EPHA6: variants seen among roughly 807,000 people sequenced by gnomAD.
The protein encoded by EPHA6 is EPH receptor A6, also known as ephrin type-A receptor 6.
EPHA6 carries 50 observed loss-of-function variants against 112.0 expected under a neutral mutation model. The observed-to-expected ratio is 0.45, with a 90% CI of 0.36 to 0.56. EPHA6 has a LOEUF of 0.56. Among genes scored for constraint, EPHA6 ranks in the 20% least tolerant of loss-of-function variants. The pLI, the probability that EPHA6 is intolerant of heterozygous loss-of-function variation, is 0.00. For missense variants in EPHA6, 1,280 were observed against 1,417.4 expected, an observed-to-expected ratio of 0.90 and a Z score of 1.56; for synonymous variants, 529 against 490.7, an observed-to-expected ratio of 1.08 and a Z score of -1.03.
At chr3:97,565,490 T>C (rs2093251784) in intron 11 of EPHA6, among the ~76,000 whole-genome samples, 1 of 152,166 alleles carries the variant, frequency 6.6e-6, no homozygotes. Context: ...CTTGAGTGGA[T>C]TAAATATTAG....
intron 1 of EPHA6, among the ~76,000 whole-genome samples, chr3:96,852,512 T>A (rs976925280): frequency 6.6e-6 from 1 of 152,080 alleles, no homozygotes; most frequent in South Asian, 2.1e-4. Flanking sequence ...CTTTATAAGT[T>A]TAGATCCGTT....
chr3:96,979,999 G>C (rs1003798029), intron 2 of EPHA6, among the ~76,000 whole-genome samples: 3 of 152,110 alleles, frequency 2.0e-5, no homozygotes, highest in Non-Finnish European at 4.4e-5. Flanking sequence ...CATTCTGTAG[G>C]TTGCCTGTTC....
chr3:97,706,090 T>C (rs1559616280), intron 14 of EPHA6, among the ~76,000 whole-genome samples: 1 of 152,194 alleles, frequency 6.6e-6, no homozygotes, highest in Non-Finnish European at 1.5e-5. Flanking sequence ...GTGAATATAT[T>C]ATGCAAGTAA....
At chr3:97,063,091 C>T (rs1559703102) in intron 3 of EPHA6, among the ~76,000 whole-genome samples, 1 of 152,160 alleles carries the variant, frequency 6.6e-6, no homozygotes, top group Non-Finnish European at 1.5e-5. Flanking sequence ...AATGCTTATA[C>T]ACTGTCGGTG....
chr3:97,462,642 T>TA (rs1331582030), intron 7 of EPHA6, among the ~76,000 whole-genome samples: 1 of 152,192 alleles, frequency 6.6e-6, no homozygotes, highest in East Asian at 1.9e-4. Flanking sequence ...GAATAGGTAT[T>TA]AGGTATGTTA....
At chr3:96,941,589 C>T (rs192251454) in intron 2 of EPHA6, among the ~76,000 whole-genome samples, 1 of 152,010 alleles carries the variant, frequency 6.6e-6, no homozygotes, top group East Asian at 1.9e-4. Flanking sequence ...AAGCCTTCTT[C>T]TCTCAACTCG....
In EPHA6 at chr3:96,820,818, A is replaced by G. The variant is rs147195475; in HGVS notation, c.385+5810A>G. On this transcript the variant is annotated intron_variant, in intron 1 of 17. Coordinates refer to ENST00000389672, the MANE Select transcript of EPHA6 (RefSeq NM_001080448.3). ...ATATGTAGTTATTTTTTGTCAGCGAACGACTGTACAAGTATGTAGGGACAT... is the reference window on the plus strand; with the variant it reads ...ATATGTAGTTATTTTTTGTCAGCGAGCGACTGTACAAGTATGTAGGGACAT... 5.0e-3 allele frequency among the ~76,000 whole-genome samples: 757 copies of G among 152,122 alleles called. 8 individuals carry two copies. Among genetic ancestry groups the G allele is most frequent in the African/African-American group, 0.017 (718 of 41,538 alleles).
intron 5 of EPHA6, among the ~76,000 whole-genome samples, chr3:97,362,968 A>G (rs914901155): frequency 6.6e-6 from 1 of 151,110 alleles, no homozygotes; most frequent in Non-Finnish European, 1.5e-5. Context: ...TTAATTATTT[A>G]TAGAATTTAA....
At chr3:97,677,975 T>G (rs1486452) in intron 14 of EPHA6, among the ~76,000 whole-genome samples, 1 of 152,282 alleles carries the variant, frequency 6.6e-6, no homozygotes, top group Non-Finnish European at 1.5e-5. Flanking sequence ...CAGGACAAGA[T>G]GAAGGCAAAA....
At chr3:97,478,438 A>G (rs1157557869) in intron 8 of EPHA6, among the ~76,000 whole-genome samples, 1 of 152,124 alleles carries the variant, frequency 6.6e-6, no homozygotes. Context: ...CAGAATAGAT[A>G]TACCACTTCA....
intron 5 of EPHA6, among the ~76,000 whole-genome samples, chr3:97,259,910 T>C (rs1235402670): frequency 2.0e-5 from 3 of 151,804 alleles, no homozygotes; most frequent in Non-Finnish European, 4.4e-5. Context: ...AAGCGATTCT[T>C]CCGCCTCAGC....
At chr3:97,153,490 A>T (rs1193593650) in intron 3 of EPHA6, among the ~76,000 whole-genome samples, 1 of 152,152 alleles carries the variant, frequency 6.6e-6, no homozygotes, top group Non-Finnish European at 1.5e-5. Context: ...ATCACTTTCT[A>T]AAAAATTACA....
intron 7 of EPHA6, among the ~76,000 whole-genome samples, chr3:97,451,189 A>T (rs2090516386): frequency 6.6e-6 from 1 of 152,044 alleles, no homozygotes; most frequent in African/African-American, 2.4e-5. Flanking sequence ...TCCAGAAAAT[A>T]TTCAGGATCC....
intron 9 of EPHA6, 111 bp downstream of exon 9, chr3:97,479,475 C>T (rs2091469545): frequency 9.4e-6 from 6 of 634,954 alleles, no homozygotes; most frequent in Non-Finnish European, 1.4e-5. Context: ...AAATCACTTC[C>T]AACCTTTCAG....
chr3:97,109,458 G>A (rs2108278359), intron 3 of EPHA6, among the ~76,000 whole-genome samples: 1 of 152,290 alleles, frequency 6.6e-6, no homozygotes, highest in Non-Finnish European at 1.5e-5. Context: ...GGGAAGGAGA[G>A]TTGTGTTAAG....
At chr3:97,138,587 A>G (rs2075819240) in intron 3 of EPHA6, among the ~76,000 whole-genome samples, 1 of 152,192 alleles carries the variant, frequency 6.6e-6, no homozygotes, top group Non-Finnish European at 1.5e-5. Flanking sequence ...TATCACAGCC[A>G]AAGCTTAAGT....
intron 3 of EPHA6, among the ~76,000 whole-genome samples, chr3:97,000,818 A>G (rs1445052725): frequency 1.3e-5 from 2 of 151,048 alleles, no homozygotes; most frequent in African/African-American, 4.9e-5. Context: ...TATATAGTGT[A>G]TATATCTTAG....
intron 11 of EPHA6, among the ~76,000 whole-genome samples, chr3:97,558,142 G>A (rs902959035): frequency 6.6e-5 from 10 of 152,088 alleles, no homozygotes; most frequent in African/African-American, 2.4e-4. Context: ...CCTTTCTACT[G>A]AAACATAGGC....
At chr3:97,339,754 C>T (rs1020537202) in intron 5 of EPHA6, among the ~76,000 whole-genome samples, 1 of 152,162 alleles carries the variant, frequency 6.6e-6, no homozygotes, top group East Asian at 1.9e-4. Flanking sequence ...ATATGTGAGG[C>T]AAATAGAAGT....
Sources: gnomAD v4.1 joint callset for allele counts (sites outside exome capture counted in the v4.1 genomes callset) on GRCh38, gnomAD v4.1.1 for gene constraint, MANE v1.5 for transcripts, NCBI Gene and HGNC (gene_info 2026-07-23, HGNC 2026-07-21) for gene names.